RNF14: variants seen among roughly 807,000 people sequenced by gnomAD.
RNF14 encodes the protein E3 ubiquitin-protein ligase RNF14.
Under a neutral mutation model 52.6 loss-of-function variants are expected in RNF14, and 26 were observed. That is an observed-to-expected ratio of 0.49 (90% CI 0.36 to 0.69). RNF14 has a LOEUF of 0.69. Among genes scored for constraint, RNF14 ranks in the 30% least tolerant of loss-of-function variants. The pLI is 0.00. For missense variants in RNF14, 404 were observed against 560.4 expected, an observed-to-expected ratio of 0.72 and a Z score of 2.82; for synonymous variants, 194 against 202.0, an observed-to-expected ratio of 0.96 and a Z score of 0.34.
upstream of RNF14, among the ~76,000 whole-genome samples, chr5:141,962,012 C>T (rs1753278686): frequency 2.0e-5 from 3 of 152,134 alleles, no homozygotes; most frequent in Admixed American, 2.0e-4. Context: ...CAAGAAGCAT[C>T]CTCCGGCTTA....
Position 141,978,546 on chromosome 5 carries a change from G to A in RNF14, c.550G>A (p.Asp184Asn). The A allele has an allele frequency of 6.2e-7, 1 of 1,614,176 alleles. No individual in the cohort carries two copies. Among genetic ancestry groups the A allele is most frequent in the Non-Finnish European group, 8.5e-7 (1 of 1,180,016 alleles). The change falls in exon 5 of 9, where the codon GAT becomes AAT. Residue 184 changes from aspartate (D) to asparagine (N), a missense_variant. Asp to Asn is a conservative substitution (Grantham distance 23, BLOSUM62 1). Transcript: ENST00000394520. ...TGATGTAGACCAAGAGGAAATTGTGGATGAGAGAGCAGTGCAGGATGTGGA... is the reference window on the plus strand; with the variant it reads ...TGATGTAGACCAAGAGGAAATTGTGAATGAGAGAGCAGTGCAGGATGTGGA... ...GSDVDQEEIV[D>N]ERAVQDVESL...
intron 2 of RNF14, 85 bp downstream of exon 2, chr5:141,970,962 GAA>G (rs1490445882): frequency 2.0e-5 from 3 of 152,102 alleles, no homozygotes; most frequent in African/African-American, 7.2e-5. Context: ...ACATCTCCTA[GAA>G]AAAAAGTGTT....
chr5:141,987,441 G>T (rs1241074423), intron 8 of RNF14, among the ~76,000 whole-genome samples: 1 of 152,118 alleles, frequency 6.6e-6, no homozygotes, highest in Non-Finnish European at 1.5e-5. Flanking sequence ...GCCCTCAGTG[G>T]GACCCCTATG....
At chr5:141,961,857 T>C (rs1753277327), upstream of RNF14, among the ~76,000 whole-genome samples, 1 of 152,100 alleles carries the variant, frequency 6.6e-6, no homozygotes, top group Admixed American at 6.5e-5. Flanking sequence ...GCCAGCTGAA[T>C]GAAGGCTGAG....
chr5:141,985,048 T>C, intron 8 of RNF14, 115 bp downstream of exon 8: 1 of 944,076 alleles, frequency 1.1e-6, no homozygotes, highest in Non-Finnish European at 1.6e-6. Context: ...TTCTCTTACA[T>C]GTTTTCCCCT....
chr5:141,957,390 G>T, upstream of RNF14: 1 of 1,613,694 alleles, frequency 6.2e-7, no homozygotes, highest in Non-Finnish European at 8.5e-7. The surrounding 1 kb of genome is among the most constrained non-coding windows in gnomAD (Gnocchi z 4.3). Context: ...TGTCCAGGGG[G>T]ATCCGGGTTC....
chr5:141,954,950 G>A (rs920894091), upstream of RNF14: 1 of 1,594,168 alleles, frequency 6.3e-7, no homozygotes, highest in East Asian at 2.2e-5. Context: ...ACCAGAGAAA[G>A]AGCTGCCCAT....
rs1755508000 is a variant in RNF14, at chr5:141,990,083, A to G, written c.*2293A>G. ...TTAGGTACAAAGTCTTCATCACTCAATTTTAACAAAGAAAATAGGGCTTAT... is the reference window on the plus strand; with the variant it reads ...TTAGGTACAAAGTCTTCATCACTCAGTTTTAACAAAGAAAATAGGGCTTAT... On this transcript the variant is annotated 3_prime_UTR_variant, in exon 9 of 9. Transcript: ENST00000394520. 6.6e-6 allele frequency: 1 copy of G among 152,186 alleles called. No homozygotes were observed. 9.4% of individuals were successfully genotyped at this position (152,186 alleles called of 1,614,324 possible).
chr5:141,957,724 C>T, upstream of RNF14: 2 of 1,614,020 alleles, frequency 1.2e-6, no homozygotes, highest in Non-Finnish European at 1.7e-6. This position sits in a 1 kb window ranked among gnomAD's most constrained non-coding sequence, Gnocchi z 4.3. Flanking sequence ...GATCACTGTA[C>T]CAGATGGCAC....
At chr5:141,966,071 A>G (rs1408954956), upstream of RNF14, among the ~76,000 whole-genome samples, 1 of 152,042 alleles carries the variant, frequency 6.6e-6, no homozygotes, top group Non-Finnish European at 1.5e-5. Flanking sequence ...ACTTGAGCCC[A>G]GGAGTTCAAG....
At chr5:141,982,114 G>A (rs549406082) in intron 6 of RNF14, among the ~76,000 whole-genome samples, 1 of 152,268 alleles carries the variant, frequency 6.6e-6, no homozygotes, top group South Asian at 2.1e-4. Flanking sequence ...TACATTTCAA[G>A]TGTTTCACAG....
rs749571265 is a variant in RNF14, at chr5:141,987,919, G to A, written c.*129G>A. The A allele has an allele frequency of 7.6e-5, 64 of 846,384 alleles. No homozygotes were observed. Among genetic ancestry groups the A allele is most frequent in the East Asian group, 5.5e-4 (22 of 40,102 alleles). The allele number at this position is 846,384 out of a possible 1,614,324, so 52.4% of individuals were successfully genotyped here. On this transcript the variant is annotated 3_prime_UTR_variant, in exon 9 of 9. Coordinates refer to ENST00000394520, the MANE Select transcript of RNF14 (RefSeq NM_004290.5). ...TCCTGCGTAGAAGATATGGAAGAAC[G>A]AGGTTTATATTTTCATGTGGTACTA... is the stretch of plus-strand genomic sequence containing the variant.
upstream of RNF14, chr5:141,958,145 A>C: frequency 2.5e-6 from 1 of 400,184 alleles, no homozygotes; most frequent in East Asian, 4.4e-5. Flanking sequence ...AGCTGGTCTA[A>C]GAGGGACCTG....
At chr5:141,984,245 C>T (rs1261207762) in intron 7 of RNF14, among the ~76,000 whole-genome samples, 6 of 151,910 alleles carry the variant, frequency 3.9e-5, no homozygotes, top group Non-Finnish European at 8.8e-5. Context: ...TTACAGGCGC[C>T]AGCCACCACA....
At chr5:141,963,523 T>G (rs150950896), upstream of RNF14, among the ~76,000 whole-genome samples, 918 of 152,318 alleles carry the variant, frequency 6.0e-3, 9 homozygotes, top group African/African-American at 0.021. Flanking sequence ...GGCCTTGTTA[T>G]GTGTTCAGCA....
the RNF14 span, chr5:141,951,648 G>A: frequency 1.0e-4 from 128 of 1,251,288 alleles, no homozygotes; most frequent in African/African-American, 1.6e-3. Context: ...ACACTTCCTC[G>A]CCGGATGTTT....
chr5:141,956,613 T>G (rs1305854821), upstream of RNF14: 17 of 1,614,080 alleles, frequency 1.1e-5, no homozygotes, highest in Non-Finnish European at 1.4e-5. Context: ...TGGCATTGGT[T>G]AGCAACATGT....
At chr5:141,963,721 T>C (rs1005355811), upstream of RNF14, among the ~76,000 whole-genome samples, 41 of 152,230 alleles carry the variant, frequency 2.7e-4, no homozygotes, top group African/African-American at 9.6e-4. Context: ...TGACCCACAT[T>C]TTCCCTTCCT....
upstream of RNF14, chr5:141,956,357 T>C (rs751011058): frequency 5.0e-6 from 8 of 1,614,114 alleles, no homozygotes; most frequent in Admixed American, 1.0e-4. Context: ...GAGTCCTGGA[T>C]GCGGTATGAG....
Sources: gnomAD v4.1 joint callset for allele counts (sites outside exome capture counted in the v4.1 genomes callset) on GRCh38, gnomAD v4.1.1 for gene constraint, Gnocchi (gnomAD v3.1) non-coding constraint, MANE v1.5 for transcripts, NCBI Gene and HGNC (gene_info 2026-07-23, HGNC 2026-07-21) for gene names.